The following KASH5 variants were observed in gnomAD, a reference collection of about 807,000 sequenced individuals.
KASH5 encodes the protein KASH domain containing 5, also known as protein KASH5.
KASH5 carries 72 observed loss-of-function variants against 84.2 expected under a neutral mutation model. The ratio of observed to expected loss-of-function variants is 0.85; its 90% confidence interval spans 0.71 to 1.04. The LOEUF (loss-of-function observed/expected upper bound fraction) is 1.04, where lower values mean the gene tolerates loss of function less well. Among genes scored for constraint, KASH5 ranks in the 50% least tolerant of loss-of-function variants. The pLI is 0.00. For synonymous variants in KASH5, 260 were observed against 279.1 expected (o/e 0.93, Z 0.68); for missense variants, 650 against 701.0 (o/e 0.93, Z 0.82).
At chr19:49,407,984 C>T (rs1568620057) in intron 12 of KASH5, among the ~76,000 whole-genome samples, 3 of 152,102 alleles carry the variant, frequency 2.0e-5, no homozygotes, top group Middle Eastern at 3.4e-3. Flanking sequence ...GGCACAATCT[C>T]GGCTCACTGC....
chr19:49,407,183 C>T (rs1568619195), intron 10 of KASH5, 57 bp from the exon 11 acceptor site: 1 of 1,591,308 alleles, frequency 6.3e-7, no homozygotes, highest in Admixed American at 1.7e-5. Context: ...AGGTGGAGGG[C>T]AGGACCAAGG....
intron 14 of KASH5, 106 bp downstream of exon 14, chr19:49,409,389 C>T: frequency 8.4e-7 from 1 of 1,186,980 alleles, no homozygotes; most frequent in South Asian, 1.4e-5. Context: ...CACATTGCTG[C>T]CAGAGGCTCC....
In KASH5 at chr19:49,399,356, T is replaced by G; in HGVS notation, c.748-101T>G. Reference sequence around the variant, plus strand: ...GAGCCATCAGGGCTTCCCAGACCCATTCCCCCAGGCCCTGGTTGTGTTTTC... The same window carrying G: ...GAGCCATCAGGGCTTCCCAGACCCAGTCCCCCAGGCCCTGGTTGTGTTTTC... On this transcript the variant is annotated intron_variant, in intron 8 of 19. Transcript: ENST00000447857. This position sits in a 1 kb window ranked among gnomAD's most constrained non-coding sequence, Gnocchi z 4.4. 1 of 1,218,004 alleles carries G rather than the reference T, an allele frequency of 8.2e-7. No homozygotes were observed. The highest frequency in any genetic ancestry group is 1.2e-6 in the Non-Finnish European group (1 of 851,276). 75.4% of individuals were successfully genotyped at this position (1,218,004 alleles called of 1,614,324 possible). A position where few individuals can be genotyped will look rare whatever the true frequency, so the allele number is the denominator to read the frequency against.
chr19:49,417,797 T>A lies in KASH5; in HGVS notation c.*287T>A. 2.8e-6 allele frequency: 1 copy of A among 353,960 alleles called. No individual in the cohort carries two copies. Among genetic ancestry groups the A allele is most frequent in the Non-Finnish European group, 5.0e-6 (1 of 198,518 alleles). 21.9% of individuals were successfully genotyped at this position (353,960 alleles called of 1,614,324 possible). On this transcript the variant is annotated 3_prime_UTR_variant, in exon 20 of 20. Transcript: ENST00000447857. This position sits in a 1 kb window ranked among gnomAD's most constrained non-coding sequence, Gnocchi z 5.2. ...GCACACAGCTAAGTCTCGGTTGCCT[T>A]GGGGTCAGGGCCTCAGTGATTCTCC... is the stretch of plus-strand genomic sequence containing the variant.
intron 7 of KASH5, among the ~76,000 whole-genome samples, chr19:49,398,372 CTTTT>C (rs764459352): frequency 7.0e-6 from 1 of 143,054 alleles, no homozygotes; most frequent in Non-Finnish European, 1.5e-5. Context: ...CTCTCTCTCT[CTTTT>C]TTTTTTTTTT....
rs1218648528 is a variant in KASH5 at position 49,411,241 on chromosome 19, T to G, written c.1269+1366T>G. On this transcript the variant is annotated intron_variant, in intron 15 of 19. Transcript: ENST00000447857. ...GCATGAGCCACTGCTCTGGGCTCTC[T>G]CTCTATTTTTTTTTTTTCTTTTAAA... Among the ~76,000 whole-genome samples, 3 of 151,824 alleles carry G rather than the reference T, an allele frequency of 2.0e-5. No individual in the cohort carries two copies. The Middle Eastern group carries it at 0.01, about 516-fold the overall frequency.
Position 49,407,297 on chromosome 19 carries a change from G to A in KASH5, c.933+1G>A, listed in dbSNP as rs750593202. ...CCAAAGAGACACCATCCTCTCTGAGGTAAGGGGCCCCGGGAGGGAAAGAGA... is the reference window on the plus strand; with the variant it reads ...CCAAAGAGACACCATCCTCTCTGAGATAAGGGGCCCCGGGAGGGAAAGAGA... On this transcript the variant is annotated splice_donor_variant, in intron 11 of 19. Transcript: ENST00000447857. LOFTEE classifies it high-confidence loss of function. 1.2e-6 allele frequency: 2 copies of A among 1,613,812 alleles called. No individual in the cohort carries two copies. Among genetic ancestry groups the A allele is most frequent in the Non-Finnish European group, 1.7e-6 (2 of 1,179,762 alleles).
At chr19:49,406,864 G>C in intron 9 of KASH5, 22 bp from the exon 10 acceptor site, 1 of 1,591,742 alleles carries the variant, frequency 6.3e-7, no homozygotes, top group Admixed American at 1.8e-5. Flanking sequence ...GAATGAACGT[G>C]ACCAGCCATT....
At chr19:49,405,476 A>G (rs1402800650) in intron 9 of KASH5, among the ~76,000 whole-genome samples, 2 of 150,438 alleles carry the variant, frequency 1.3e-5, no homozygotes, top group African/African-American at 4.9e-5. Context: ...AAAAAAAAAG[A>G]AAGAAAAAGG....
chr19:49,389,224 C>A (rs1009932946), intron 1 of KASH5, among the ~76,000 whole-genome samples: 29 of 138,956 alleles, frequency 2.1e-4, no homozygotes, highest in African/African-American at 7.6e-4. Context: ...CCAATCAGAC[C>A]CCCGCAGAAA....
In KASH5 at chr19:49,399,135, G is replaced by C; in HGVS notation, c.740G>C (p.Arg247Pro). The C allele has an allele frequency of 1.3e-6, 2 of 1,549,568 alleles. No homozygotes were observed. Among genetic ancestry groups the C allele is most frequent in the South Asian group, 1.2e-5 (1 of 83,812 alleles). Residue 247 changes from arginine to proline, a missense_variant, in exon 8 of 20, where the codon CGG becomes CCG. Coordinates refer to ENST00000447857, the MANE Select transcript of KASH5 (RefSeq NM_144688.5). The surrounding 1 kb of genome is among the most constrained non-coding windows in gnomAD (Gnocchi z 4.4). ...EQNRSLLAQA[R>P]QAEKEQQHLV... ...AATCGCAGCCTTCTGGCCCAAGCCCGGCAGGCGGTGGGTCTGGCCCAGGGG... is the reference window on the plus strand; with the variant it reads ...AATCGCAGCCTTCTGGCCCAAGCCCCGCAGGCGGTGGGTCTGGCCCAGGGG...
chr19:49,405,736 C>T (rs1243554780), intron 9 of KASH5, among the ~76,000 whole-genome samples: 1 of 151,498 alleles, frequency 6.6e-6, no homozygotes, highest in Admixed American at 6.6e-5. Context: ...GCAGGTGGAT[C>T]GCCTGAGGTC....
At chr19:49,411,883 GGAA>G (rs1974720189) in intron 15 of KASH5, among the ~76,000 whole-genome samples, 1 of 150,570 alleles carries the variant, frequency 6.6e-6, no homozygotes, top group African/African-American at 2.5e-5. Context: ...AAGGAAGGAA[GGAA>G]GGAAGGATGG....
In KASH5 at chr19:49,399,394, A is replaced by G; in HGVS notation, c.748-63A>G. The G allele has an allele frequency of 7.3e-6, 11 of 1,509,746 alleles. No homozygotes were observed. The highest frequency in any genetic ancestry group is 9.1e-6 in the Non-Finnish European group (10 of 1,102,352). The allele number at this position is 1,509,746 out of a possible 1,614,324, so 93.5% of individuals were successfully genotyped here. A position where few individuals can be genotyped will look rare whatever the true frequency, so the allele number is the denominator to read the frequency against. On this transcript the variant is annotated intron_variant, in intron 8 of 19. Transcript: ENST00000447857. The surrounding 1 kb of genome is among the most constrained non-coding windows in gnomAD (Gnocchi z 4.4). ...TGGTTGTGTTTTCAGGGGTGGGAGA[A>G]GGGCAACATGGGGGCAAGGAGGCTA...
intron 6 of KASH5, 22 bp downstream of exon 6, chr19:49,397,739 C>T (rs1417601584): frequency 6.2e-7 from 1 of 1,611,532 alleles, no homozygotes; most frequent in African/African-American, 1.3e-5. Flanking sequence ...CACACCCCTC[C>T]CTGACCCTCC....
chr19:49,392,283 C>T (rs1974027141), intron 2 of KASH5, among the ~76,000 whole-genome samples: 3 of 151,890 alleles, frequency 2.0e-5, no homozygotes, highest in African/African-American at 7.3e-5. Flanking sequence ...GGGAAGAAAA[C>T]GGGGACAAGC....
chr19:49,393,425 A>G (rs779820570), intron 2 of KASH5: 3 of 152,210 alleles, frequency 2.0e-5, no homozygotes, highest in Non-Finnish European at 4.4e-5. Flanking sequence ...CCCAGGTGCC[A>G]CCACTTGTCT....
chr19:49,397,137 C>G (rs953796147), intron 5 of KASH5, among the ~76,000 whole-genome samples: 1 of 151,980 alleles, frequency 6.6e-6, no homozygotes, highest in African/African-American at 2.4e-5. Context: ...TTCTCTTCAA[C>G]CTCCTTCATC....
At chr19:49,415,686 A>G (rs73053931) in intron 17 of KASH5, 30,591 of 158,264 alleles carry the variant, frequency 0.19, 3,361 homozygotes, top group Non-Finnish European at 0.24. Context: ...CCTTCAACAT[A>G]CTACACTCCC....
Sources: gnomAD v4.1 joint callset for allele counts (sites outside exome capture counted in the v4.1 genomes callset) on GRCh38, gnomAD v4.1.1 for gene constraint, Gnocchi (gnomAD v3.1) non-coding constraint, MANE v1.5 for transcripts, NCBI Gene and HGNC (gene_info 2026-07-23, HGNC 2026-07-21) for gene names.